The following STX8 variants were observed in gnomAD, a reference collection of about 807,000 sequenced individuals.
STX8 encodes the protein syntaxin-8.
STX8 carries 23 observed loss-of-function variants against 37.5 expected under a neutral mutation model. That is an observed-to-expected ratio of 0.61 (90% CI 0.44 to 0.87). The LOEUF (loss-of-function observed/expected upper bound fraction) is 0.87, where lower values mean the gene tolerates loss of function less well. STX8 is among the 40% of genes least tolerant of loss of function. The pLI is 0.00. For missense variants in STX8, 313 were observed against 284.7 expected (o/e 1.10, Z -0.71); for synonymous variants, 115 against 99.1 (o/e 1.16, Z -0.95).
chr17:9,323,986 C>T (rs1909664358), intron 7 of STX8, among the ~76,000 whole-genome samples: 1 of 151,994 alleles, frequency 6.6e-6, no homozygotes, highest in Non-Finnish European at 1.5e-5. Flanking sequence ...GGCATCGGTC[C>T]TATTTGTGGA....
At chr17:9,412,056 A>C (rs1345802998) in intron 6 of STX8, among the ~76,000 whole-genome samples, 1 of 152,146 alleles carries the variant, frequency 6.6e-6, no homozygotes, top group Non-Finnish European at 1.5e-5. Context: ...TTAAATATTA[A>C]AGTCCTAGTA....
intron 6 of STX8, among the ~76,000 whole-genome samples, chr17:9,435,495 C>G (rs1021046296): frequency 1.3e-5 from 2 of 152,142 alleles, no homozygotes; most frequent in Non-Finnish European, 2.9e-5. Flanking sequence ...TGACTTTCAT[C>G]GTTACTTATC....
intron 7 of STX8, among the ~76,000 whole-genome samples, chr17:9,294,192 G>C (rs900893618): frequency 9.9e-5 from 15 of 152,120 alleles, no homozygotes; most frequent in Non-Finnish European, 2.9e-5. Flanking sequence ...TTGCTAATTT[G>C]GCCCCAGGGT....
At chr17:9,316,828 G>A (rs1462445021) in intron 7 of STX8, among the ~76,000 whole-genome samples, 3 of 152,108 alleles carry the variant, frequency 2.0e-5, no homozygotes, top group Non-Finnish European at 4.4e-5. Context: ...CAGTCTTAGG[G>A]GCCCTGTGAG....
intron 7 of STX8, among the ~76,000 whole-genome samples, chr17:9,331,347 A>G (rs1234135281): frequency 6.6e-6 from 1 of 151,638 alleles, no homozygotes; most frequent in Non-Finnish European, 1.5e-5. Context: ...AGCCCCAGAA[A>G]CCCTCTCTCA....
chr17:9,409,329 A>G (rs1466259825), intron 6 of STX8, among the ~76,000 whole-genome samples: 1 of 152,166 alleles, frequency 6.6e-6, no homozygotes, highest in Non-Finnish European at 1.5e-5. Flanking sequence ...TTTGTATACT[A>G]TGAAAGTGCT....
intron 4 of STX8, among the ~76,000 whole-genome samples, chr17:9,513,245 A>T (rs1352081309): frequency 6.7e-6 from 1 of 149,158 alleles, no homozygotes; most frequent in African/African-American, 2.5e-5. Flanking sequence ...ATGCACCTAT[A>T]GTCCCAGCTA....
chr17:9,314,676 G>A (rs1432566332), intron 7 of STX8, among the ~76,000 whole-genome samples: 1 of 150,448 alleles, frequency 6.6e-6, no homozygotes, highest in Non-Finnish European at 1.5e-5. Flanking sequence ...CCAAAGTGCT[G>A]GGATTACAGG....
intron 1 of STX8, 96 bp downstream of exon 1, chr17:9,575,696 G>A (rs765358792): frequency 2.9e-5 from 42 of 1,451,460 alleles, no homozygotes; most frequent in Admixed American, 4.0e-5. Flanking sequence ...CATCCCGAAA[G>A]GCCACCAGCG....
At chr17:9,562,247 CA>C (rs901484364) in intron 2 of STX8, among the ~76,000 whole-genome samples, 4 of 149,754 alleles carry the variant, frequency 2.7e-5, no homozygotes, top group South Asian at 2.1e-4. Context: ...ACTAAAAATA[CA>C]AAAAAAAATT....
chr17:9,349,512 G>A (rs190471736), intron 7 of STX8, among the ~76,000 whole-genome samples: 79 of 151,718 alleles, frequency 5.2e-4, no homozygotes, highest in African/African-American at 1.8e-3. Context: ...AGTAGAGATG[G>A]AGTTTTACCA....
At chr17:9,281,919 G>T (rs547978738) in intron 7 of STX8, among the ~76,000 whole-genome samples, 7 of 152,260 alleles carry the variant, frequency 4.6e-5, no homozygotes, top group Admixed American at 4.6e-4. Context: ...GAGCTACAGA[G>T]TGAGACTCCA....
intron 6 of STX8, among the ~76,000 whole-genome samples, chr17:9,419,288 G>A (rs534933794): frequency 2.0e-4 from 30 of 151,582 alleles, no homozygotes; most frequent in African/African-American, 6.3e-4. Flanking sequence ...GATCGCCCAA[G>A]GTGATCTCAA....
intron 2 of STX8, among the ~76,000 whole-genome samples, chr17:9,559,760 A>ATTTTTTTTT (rs60856219): frequency 2.0e-4 from 5 of 24,494 alleles, no homozygotes; most frequent in African/African-American, 3.8e-4. Flanking sequence ...ATATATATAT[A>ATTTTTTTTT]TTTTTTTTTT....
At chr17:9,533,024 A>T (rs1319373892) in intron 4 of STX8, among the ~76,000 whole-genome samples, 1 of 152,232 alleles carries the variant, frequency 6.6e-6, no homozygotes, top group Non-Finnish European at 1.5e-5. Context: ...GCACCAAATT[A>T]TCTATTAACA....
chr17:9,385,381 C>T (rs1328978411), intron 6 of STX8, among the ~76,000 whole-genome samples: 1 of 152,078 alleles, frequency 6.6e-6, no homozygotes, highest in Non-Finnish European at 1.5e-5. Context: ...AATAAATAAG[C>T]CACAGAATGG....
chr17:9,482,511 A>T (rs1393717153), intron 6 of STX8, among the ~76,000 whole-genome samples: 1 of 152,134 alleles, frequency 6.6e-6, no homozygotes. Context: ...CTTTCCTCAC[A>T]TTTCACCAGT....
At chr17:9,431,245 T>TC (rs1347045827) in intron 6 of STX8, among the ~76,000 whole-genome samples, 1 of 148,754 alleles carries the variant, frequency 6.7e-6, no homozygotes, top group Non-Finnish European at 1.5e-5. Flanking sequence ...TTCTGTTTTT[T>TC]TTTTTAGTAG....
At chr17:9,277,475 A>G (rs1907716562) in intron 7 of STX8, among the ~76,000 whole-genome samples, 1 of 152,066 alleles carries the variant, frequency 6.6e-6, no homozygotes, top group Non-Finnish European at 1.5e-5. Flanking sequence ...GTCAGCCTCC[A>G]TCTGCTTCTA....
Sources: allele counts gnomAD v4.1 joint callset (sites outside exome capture counted in the v4.1 genomes callset), GRCh38; gene constraint gnomAD v4.1.1; transcripts MANE v1.5; gene names NCBI Gene and HGNC (gene_info 2026-07-23, HGNC 2026-07-21).